The following DYRK1B variants were observed in gnomAD, a reference collection of about 807,000 sequenced individuals.
The protein encoded by DYRK1B is dual specificity tyrosine-phosphorylation-regulated kinase 1B.
A neutral mutation model predicts 57.1 loss-of-function variants in DYRK1B; 20 were observed. The ratio of observed to expected loss-of-function variants is 0.35; its 90% CI spans 0.25 to 0.51. DYRK1B has a LOEUF of 0.51. Ranked by LOEUF, DYRK1B falls within the 20% of genes least tolerant of loss-of-function variation. The probability of loss-of-function intolerance (pLI) is 0.96; values close to 1 mark genes in which losing one functional copy is unlikely to be tolerated. For synonymous variants in DYRK1B, 409 were observed against 384.7 expected (o/e 1.06, Z -0.74); for missense variants, 732 against 886.3 (o/e 0.83, Z 2.21).
At chr19:39,829,805 G>A in intron 5 of DYRK1B, 75 bp downstream of exon 5, 1 of 1,546,262 alleles carries the variant, frequency 6.5e-7, no homozygotes, top group Non-Finnish European at 8.8e-7. Flanking sequence ...AGTAGGGCGG[G>A]GGTGTGACCC....
In DYRK1B at chr19:39,830,539, G is replaced by T. The variant is rs200104062; in HGVS notation, c.208C>A (p.Arg70=). 1 of 1,613,990 alleles carries T rather than the reference G, an allele frequency of 6.2e-7. No individual in the cohort carries two copies. ...TCCTGGGGTGGCGCCTGCTGGGCCC[G>T]CCGCTTCTTCTTCGCATAGTATACC... The part of the protein sequence containing the change: ...NEVYYAKKKR[R]AQQAPPQDSS... Residue 70 remains arginine, a synonymous_variant, in exon 4 of 11, where the codon CGG becomes AGG. Transcript: ENST00000323039.
Position 39,827,576 on chromosome 19 carries a change from CAT to C in DYRK1B, c.886_887del (p.Met296ValfsTer22). 1.2e-6 allele frequency: 2 copies of C among 1,614,144 alleles called. No homozygotes were observed. The highest frequency in any genetic ancestry group is 2.2e-5 in the East Asian group (1 of 44,892). ...CCACAAGGATGCAGCCCAGGGACCA[CAT>C]GTCAATGGCCAGGTCGTAGGGTGTG... The part of the protein sequence containing the change: ...LGTPYDLAID[M>X]WSLGCILVEM... On this transcript the variant is annotated frameshift_variant, in exon 7 of 11. Coordinates refer to ENST00000323039, the MANE Select transcript of DYRK1B (RefSeq NM_004714.3). LOFTEE classifies it high-confidence loss of function.
In DYRK1B at chr19:39,830,445, A is replaced by G; in HGVS notation, c.302T>C (p.Val101Ala). The G allele has an allele frequency of 6.2e-7, 1 of 1,614,212 alleles. No homozygotes were observed. The highest frequency in any genetic ancestry group is 2.2e-5 in the East Asian group (1 of 44,888). Reference sequence around the variant, plus strand: ...CTCCAGCCAGCGCTCGCCACTGCGCACGATGTAGTCATGGTTGTCGTCATC... The same window carrying G: ...CTCCAGCCAGCGCTCGCCACTGCGCGCGATGTAGTCATGGTTGTCGTCATC... ...GYDDDNHDYI[V>A]RSGERWLERY... The change falls in exon 4 of 11, where the codon GTG (valine) becomes GCG (alanine). Residue 101 changes from valine (V) to alanine (A), a missense_variant. This residue lies in a region of DYRK1B where 510 missense variants were observed against 681.3 expected (regional missense o/e 0.75). Transcript: ENST00000323039.
chr19:39,832,233 C>T lies in DYRK1B; in HGVS notation c.-101-265G>A, dbSNP rs192878463. Among the ~76,000 whole-genome samples the T allele has an allele frequency of 9.9e-5, 15 of 151,910 alleles. 1 individual carries two copies. In the South Asian group the frequency reaches 1.0e-3, roughly 11 times the overall value. On this transcript the variant is annotated intron_variant, in intron 1 of 10. Transcript: ENST00000323039. ...ACACATAAAAGACAATGATTGGGGGCCAAGCAGGGGTCGATATGAGCCATC... is the reference window on the plus strand; with the variant it reads ...ACACATAAAAGACAATGATTGGGGGTCAAGCAGGGGTCGATATGAGCCATC...
At chr19:39,829,486 A>C (rs112273402) in intron 5 of DYRK1B, among the ~76,000 whole-genome samples, 1,714 of 152,250 alleles carry the variant, frequency 0.011, 25 homozygotes, top group African/African-American at 0.037. Context: ...CTCGGCCTCC[A>C]AAAGTGCTGG....
chr19:39,827,038 A>G (rs1483286065), intron 8 of DYRK1B, 51 bp from the exon 9 acceptor site: 3 of 1,310,114 alleles, frequency 2.3e-6, no homozygotes, highest in Non-Finnish European at 2.0e-6. Flanking sequence ...GTCAGTGGGC[A>G]GGAGGGGCAG....
Position 39,826,196 on chromosome 19 carries a change from TCA to T in DYRK1B, c.1500_1501del (p.Cys500Ter), listed in dbSNP as rs763539004. The T allele has an allele frequency of 1.3e-6, 2 of 1,580,836 alleles. No homozygotes were observed. Among genetic ancestry groups the T allele is most frequent in the African/African-American group, 1.4e-5 (1 of 72,848 alleles). ...CCCCATTACCTGGGGGCTGTTCATC[TCA>T]CAGTCTGTGATAGGGGGCCCAGGGC... On this transcript the variant is annotated stop_gained and frameshift_variant, in exon 10 of 11. Coordinates refer to ENST00000323039, the MANE Select transcript of DYRK1B (RefSeq NM_004714.3). LOFTEE classifies it high-confidence loss of function. The surrounding 1 kb of genome is among the most constrained non-coding windows in gnomAD (Gnocchi z 6.3).
chr19:39,829,031 A>C (rs1968681341), intron 5 of DYRK1B, among the ~76,000 whole-genome samples: 1 of 152,214 alleles, frequency 6.6e-6, no homozygotes, highest in South Asian at 2.1e-4. Flanking sequence ...TTAAGGGAGG[A>C]GAAAGACTGG....
In DYRK1B at chr19:39,827,315, C is replaced by A; in HGVS notation, c.1065G>T (p.Trp355Cys). The change falls in exon 8 of 11, where the codon TGG becomes TGT. Residue 355 changes from tryptophan (W) to cysteine (C), a missense_variant. Trp to Cys is a radical substitution (Grantham distance 215). This residue lies in a region of DYRK1B where 510 missense variants were observed against 681.3 expected (regional missense o/e 0.75). Transcript: ENST00000323039. ...TGAGTTCTTTCGTCCTTCGTAGGGT[C>A]CAGCCACCCCCAGGCAGCCGTTCAA... ...KYFERLPGGG[W>C]TLRRTKELRK... 1 of 1,613,514 alleles carries A rather than the reference C, an allele frequency of 6.2e-7. No homozygotes were observed. The highest frequency in any genetic ancestry group is 1.7e-5 in the Admixed American group (1 of 59,996).
Position 39,830,554 on chromosome 19 carries a change from C to T in DYRK1B, c.193G>A (p.Ala65Thr). The change falls in exon 4 of 11, where the codon GCG (alanine) becomes ACG (threonine). Residue 65 changes from alanine to threonine, a missense_variant. Around this residue, in one of 2 missense-constraint regions of DYRK1B, gnomAD observed 510 missense variants for 681.3 expected, o/e 0.75. Transcript: ENST00000323039. ...TGCTGGGCCCGCCGCTTCTTCTTCGCATAGTATACCTGCCCAGCCAGCCAG... is the reference window on the plus strand; with the variant it reads ...TGCTGGGCCCGCCGCTTCTTCTTCGTATAGTATACCTGCCCAGCCAGCCAG... Reference protein sequence around the residue: ...TYKHINEVYYAKKKRRAQQAP... With the variant: ...TYKHINEVYYTKKKRRAQQAP... 4.3e-6 allele frequency: 7 copies of T among 1,614,166 alleles called. No homozygotes were observed. Among genetic ancestry groups the T allele is most frequent in the African/African-American group, 1.3e-5 (1 of 75,058 alleles).
chr19:39,830,807 G>A (rs368230328), intron 2 of DYRK1B, 24 bp from the exon 3 acceptor site: 18 of 1,597,500 alleles, frequency 1.1e-5, no homozygotes, highest in Non-Finnish European at 1.5e-5. Context: ...TGAGGGGTGG[G>A]CACTGAGGAC....
chr19:39,832,080 G>A, intron 1 of DYRK1B, 112 bp from the exon 2 acceptor site: 6 of 1,205,340 alleles, frequency 5.0e-6, no homozygotes, highest in Non-Finnish European at 6.5e-6. Flanking sequence ...AAGAGGAAAA[G>A]GGCACAACGG....
In DYRK1B at chr19:39,828,485, G is replaced by A. The variant is rs141849649; in HGVS notation, c.619C>T (p.Arg207Cys). 3.0e-5 allele frequency: 49 copies of A among 1,613,466 alleles called. No homozygotes were observed. In the African/African-American group the frequency reaches 3.3e-4, roughly 11 times the overall value. ...LYDLLRNTHFRGVSLNLTRKL... is the reference protein window; with the variant it reads ...LYDLLRNTHFCGVSLNLTRKL... ...CGGGTCAGGTTCAGCGAGACGCCGCGGAAGTGGGTGTTGCGCAGGAGGTCG... is the reference window on the plus strand; with the variant it reads ...CGGGTCAGGTTCAGCGAGACGCCGCAGAAGTGGGTGTTGCGCAGGAGGTCG... The change falls in exon 6 of 11, where the codon CGC (arginine) becomes TGC (cysteine). Residue 207 changes from arginine to cysteine, a missense_variant. By Grantham distance (180) the Arg-to-Cys change is radical (BLOSUM62 -3). Transcript: ENST00000323039. The surrounding 1 kb of genome is among the most constrained non-coding windows in gnomAD (Gnocchi z 4.3).
Position 39,828,269 on chromosome 19 carries a change from GTGCTCCC to G in DYRK1B, c.807+21_807+27del. 1.2e-6 allele frequency: 2 copies of G among 1,609,040 alleles called. No individual in the cohort carries two copies. The highest frequency in any genetic ancestry group is 1.7e-6 in the Non-Finnish European group (2 of 1,177,630). ...CTCTGCCCCACCCAAACTACTAGCC[GTGCTCCC>G]AGGACCGGGCCGCCCCCTACCCTCT... On this transcript the variant is annotated intron_variant, in intron 6 of 10. Transcript: ENST00000323039. This position sits in a 1 kb window ranked among gnomAD's most constrained non-coding sequence, Gnocchi z 4.3.
rs755640697 is a variant in DYRK1B at position 39,827,692 on chromosome 19, C to T, written c.808-36G>A. 1.3e-5 allele frequency: 20 copies of T among 1,597,742 alleles called. No homozygotes were observed. In the Admixed American group the frequency reaches 3.2e-4, roughly 25 times the overall value. On this transcript the variant is annotated intron_variant, in intron 6 of 10. Coordinates refer to ENST00000323039, the MANE Select transcript of DYRK1B (RefSeq NM_004714.3). ...GGTAATCGTCAAGGGACCCAGCCTCCCCTACTGGTCCCACTGACACCCCCA... is the reference window on the plus strand; with the variant it reads ...GGTAATCGTCAAGGGACCCAGCCTCTCCTACTGGTCCCACTGACACCCCCA...
In DYRK1B at chr19:39,831,085, T is replaced by C. The variant is rs149244285; in HGVS notation, c.64-302A>G. Among the ~76,000 whole-genome samples, 230 of 152,312 alleles carry C rather than the reference T, an allele frequency of 1.5e-3. 1 individual carries two copies. The highest frequency in any genetic ancestry group is 5.2e-3 in the African/African-American group (218 of 41,566). On this transcript the variant is annotated intron_variant, in intron 2 of 10. Coordinates refer to ENST00000323039, the MANE Select transcript of DYRK1B (RefSeq NM_004714.3). ...CTGAACCTCAGAGGGAGAGATCATATGGAAAACCTGGGCTCTGTTCCTCCC... is the reference window on the plus strand; with the variant it reads ...CTGAACCTCAGAGGGAGAGATCATACGGAAAACCTGGGCTCTGTTCCTCCC...
intron 1 of DYRK1B, among the ~76,000 whole-genome samples, chr19:39,832,437 C>T (rs981968543): frequency 2.6e-5 from 4 of 152,098 alleles, no homozygotes; most frequent in African/African-American, 7.3e-5. Flanking sequence ...GATCTCAGCC[C>T]GTAGCACAGC....
chr19:39,826,973 G>T lies in DYRK1B; in HGVS notation c.1110C>A (p.Pro370=). The T allele has an allele frequency of 6.9e-7, 1 of 1,458,936 alleles. No homozygotes were observed. The highest frequency in any genetic ancestry group is 9.0e-7 in the Non-Finnish European group (1 of 1,116,038). 90.4% of individuals were successfully genotyped at this position (1,458,936 alleles called of 1,614,324 possible). ...TKELRKDYQG[P]GTRRLQEVLG... ...GCACCTCCTGCAGCCGCCGTGTCCC[G>T]GGGCCCTGGTAATCCTGGCAGGGAG... The change falls in exon 9 of 11, where the codon CCC becomes CCA. Residue 370 remains proline (P), a synonymous_variant. Transcript: ENST00000323039. The surrounding 1 kb of genome is among the most constrained non-coding windows in gnomAD (Gnocchi z 6.3).
chr19:39,832,059 G>C, intron 1 of DYRK1B, 91 bp from the exon 2 acceptor site: 1 of 1,319,812 alleles, frequency 7.6e-7, no homozygotes, highest in Non-Finnish European at 9.8e-7. Flanking sequence ...AGAAAGACAG[G>C]GCACAGAGAG....
Sources: allele counts gnomAD v4.1 joint callset (sites outside exome capture counted in the v4.1 genomes callset), GRCh38; gene constraint gnomAD v4.1.1; regional missense constraint gnomAD v4.1.1; non-coding constraint Gnocchi (gnomAD v3.1); transcripts MANE v1.5; gene names NCBI Gene and HGNC (gene_info 2026-07-23, HGNC 2026-07-21).